The following IGSF11 variants were observed in gnomAD, a reference collection of about 807,000 sequenced individuals.
IGSF11 encodes immunoglobulin superfamily member 11.
In IGSF11, 22 loss-of-function variants were observed where a neutral mutation model predicts 41.0. That is an observed-to-expected ratio of 0.54 (90% confidence interval 0.38 to 0.77). IGSF11 has a LOEUF of 0.77. IGSF11 is among the 30% of genes least tolerant of loss of function. IGSF11 has a pLI of 0.00. For missense variants in IGSF11, 444 were observed against 530.8 expected (o/e 0.84, Z 1.61); for synonymous variants, 219 against 201.3 (o/e 1.09, Z -0.74).
At chr3:118,909,942 T>C (rs912838300) in intron 4 of IGSF11, among the ~76,000 whole-genome samples, 5 of 152,222 alleles carry the variant, frequency 3.3e-5, no homozygotes, top group African/African-American at 1.2e-4. Flanking sequence ...ATTATTTGAA[T>C]AATGTAGTGT....
At chr3:118,903,778 A>G in intron 6 of IGSF11, among the ~76,000 whole-genome samples, 1 of 152,224 alleles carries the variant, frequency 6.6e-6, no homozygotes, top group East Asian at 1.9e-4. Context: ...TGAGGGTAGT[A>G]ATCAGTGCAA....
chr3:119,014,841 C>CA (rs1938513729), intron 1 of IGSF11, among the ~76,000 whole-genome samples: 1 of 152,144 alleles, frequency 6.6e-6, no homozygotes, highest in Non-Finnish European at 1.5e-5. Flanking sequence ...ACAAGGAAGC[C>CA]ACTGTAAGCG....
chr3:118,977,746 G>A (rs972267017), intron 1 of IGSF11, among the ~76,000 whole-genome samples: 1 of 152,116 alleles, frequency 6.6e-6, no homozygotes, highest in Non-Finnish European at 1.5e-5. Context: ...GGCCTTGAAA[G>A]TAACATAAGG....
intron 1 of IGSF11, among the ~76,000 whole-genome samples, chr3:119,060,141 C>G (rs1942007195): frequency 6.6e-6 from 1 of 152,200 alleles, no homozygotes. Flanking sequence ...AGCTACCTAA[C>G]AGCCTGGACC....
intron 1 of IGSF11, among the ~76,000 whole-genome samples, chr3:119,018,828 T>C (rs35871): frequency 0.4 from 61,398 of 152,102 alleles, 13,384 homozygotes; most frequent in Non-Finnish European, 0.49. Context: ...CAGAGAGGCA[T>C]GCAGAAGTGC....
At chr3:118,982,897 G>A (rs1934880037) in intron 1 of IGSF11, among the ~76,000 whole-genome samples, 1 of 152,176 alleles carries the variant, frequency 6.6e-6, no homozygotes, top group Non-Finnish European at 1.5e-5. Context: ...GCATTCAGAA[G>A]CTAATTCCAA....
At chr3:118,913,075 G>C (rs1274384136) in intron 4 of IGSF11, among the ~76,000 whole-genome samples, 1 of 151,100 alleles carries the variant, frequency 6.6e-6, no homozygotes, top group African/African-American at 2.4e-5. Flanking sequence ...GAGTAGAAGA[G>C]AGAACAGGTG....
At chr3:118,906,976 C>T (rs148342106) in intron 4 of IGSF11, among the ~76,000 whole-genome samples, 200 of 152,324 alleles carry the variant, frequency 1.3e-3, no homozygotes, top group African/African-American at 3.7e-3. Flanking sequence ...CTCTAGGCTT[C>T]ACTGCCCTCC....
chr3:119,078,958 A>G (rs1265075681), intron 1 of IGSF11, among the ~76,000 whole-genome samples: 2 of 152,236 alleles, frequency 1.3e-5, no homozygotes, highest in African/African-American at 4.8e-5. Flanking sequence ...ACAAGTGGCC[A>G]ACACGCACAT....
upstream of IGSF11, among the ~76,000 whole-genome samples, chr3:119,035,556 A>C (rs1439230925): frequency 6.6e-6 from 1 of 152,214 alleles, no homozygotes; most frequent in Non-Finnish European, 1.5e-5. Context: ...ACTGACCTTA[A>C]GTATACATGT....
In IGSF11 at chr3:119,071,506, T is replaced by C. The variant is rs142570691; in HGVS notation, c.49+33638A>G. ...ATTTTGAGCTAATTTTTGTATATAG[T>C]GTGAGGTAGGGGTCCAACTTCATTA... On this transcript the variant is annotated intron_variant, in intron 1 of 6. Coordinates refer to the IGSF11 transcript ENST00000354673. Among the ~76,000 whole-genome samples the C allele has an allele frequency of 1.5e-3, 230 of 152,308 alleles. 1 individual carries two copies. The highest frequency in any genetic ancestry group is 2.5e-3 in the Admixed American group (39 of 15,298).
At chr3:119,092,720 C>A (rs1473831392) in intron 1 of IGSF11, among the ~76,000 whole-genome samples, 1 of 152,210 alleles carries the variant, frequency 6.6e-6, no homozygotes, top group Admixed American at 6.5e-5. Flanking sequence ...TTACCCAGAG[C>A]AACTTCTAGT....
chr3:119,013,734 G>A (rs1412003141), intron 1 of IGSF11, among the ~76,000 whole-genome samples: 1 of 152,184 alleles, frequency 6.6e-6, no homozygotes. Flanking sequence ...AGACCATGGA[G>A]TCCCATCCAC....
intron 4 of IGSF11, among the ~76,000 whole-genome samples, chr3:118,910,027 T>G (rs934115992): frequency 6.6e-6 from 1 of 152,192 alleles, no homozygotes; most frequent in African/African-American, 2.4e-5. Context: ...GACCACACAC[T>G]TATCACATGG....
At chr3:119,015,954 G>T (rs940474817) in intron 1 of IGSF11, among the ~76,000 whole-genome samples, 6 of 152,176 alleles carry the variant, frequency 3.9e-5, no homozygotes, top group Non-Finnish European at 8.8e-5. Context: ...AAGAAAACAT[G>T]AACCATCTAG....
upstream of IGSF11, among the ~76,000 whole-genome samples, chr3:119,105,540 T>C (rs183229911): frequency 9.8e-4 from 150 of 152,298 alleles, no homozygotes; most frequent in African/African-American, 3.6e-3. Flanking sequence ...TTATCTCCTA[T>C]ATTACTCCTT....
intron 1 of IGSF11, among the ~76,000 whole-genome samples, chr3:119,111,621 C>T (rs1282744001): frequency 2.6e-5 from 4 of 152,210 alleles, no homozygotes; most frequent in Non-Finnish European, 4.4e-5. Context: ...CAGCTTTGTT[C>T]GGTTGCTGGT....
At chr3:119,108,589 C>G (rs2077080158), upstream of IGSF11, among the ~76,000 whole-genome samples, 1 of 137,776 alleles carries the variant, frequency 7.3e-6, no homozygotes, top group Non-Finnish European at 1.6e-5. Flanking sequence ...TTTCCTTCTC[C>G]TGCCTGATTG....
chr3:119,052,894 T>C (rs1320520531), intron 1 of IGSF11, among the ~76,000 whole-genome samples: 1 of 151,964 alleles, frequency 6.6e-6, no homozygotes, highest in Admixed American at 6.6e-5. Context: ...AAAACAAAGG[T>C]CATATGATCA....
Sources: gnomAD v4.1 joint callset for allele counts (sites outside exome capture counted in the v4.1 genomes callset) on GRCh38, gnomAD v4.1.1 for gene constraint, MANE v1.5 for transcripts, NCBI Gene and HGNC (gene_info 2026-07-23, HGNC 2026-07-21) for gene names.